Variants in MTA3 observed in about 807,000 individuals in gnomAD.
MTA3 encodes the protein metastasis associated 1 family member 3, also known as metastasis-associated protein MTA3.
In MTA3, 34 loss-of-function variants were observed where a neutral mutation model predicts 83.5. The ratio of observed to expected loss-of-function variants is 0.41; its 90% CI spans 0.31 to 0.54. The LOEUF (loss-of-function observed/expected upper bound fraction) is 0.54, where lower values mean the gene tolerates loss of function less well. MTA3 is among the 20% of genes least tolerant of loss of function. The probability of loss-of-function intolerance (pLI) is 0.33; values close to 1 mark genes in which losing one functional copy is unlikely to be tolerated. For missense variants in MTA3, 761 were observed against 726.4 expected (o/e 1.05, Z -0.55); for synonymous variants, 303 against 252.7 (o/e 1.20, Z -1.89).
intron 11 of MTA3, among the ~76,000 whole-genome samples, chr2:42,701,060 C>T (rs934754521): frequency 3.3e-5 from 5 of 151,802 alleles, no homozygotes; most frequent in Admixed American, 6.6e-5. Context: ...ATCATGCCAC[C>T]GCACTCTAGT....
At chr2:42,613,377 A>G (rs1684457762) in intron 4 of MTA3, among the ~76,000 whole-genome samples, 1 of 152,136 alleles carries the variant, frequency 6.6e-6, no homozygotes, top group South Asian at 2.1e-4. Context: ...GAGTTTTCTC[A>G]TTTTAGCTTT....
chr2:42,682,286 A>C (rs899534499), intron 8 of MTA3, 115 bp from the exon 9 acceptor site: 1 of 732,476 alleles, frequency 1.4e-6, no homozygotes, highest in Non-Finnish European at 2.0e-6. Context: ...TTTGTTAAAA[A>C]ATAAATAAGT....
chr2:42,702,202 A>C (rs1665643946), intron 11 of MTA3: 1 of 152,372 alleles, frequency 6.6e-6, no homozygotes, highest in Non-Finnish European at 1.5e-5. Flanking sequence ...CAAGAGCGAG[A>C]CTTTGTCTCA....
At chr2:42,545,250 C>T (rs1035740356) in intron 2 of MTA3, among the ~76,000 whole-genome samples, 6 of 152,216 alleles carry the variant, frequency 3.9e-5, no homozygotes, top group South Asian at 2.1e-4. Flanking sequence ...TGGTGGCACA[C>T]GCCTGTACTC....
intron 3 of MTA3, among the ~76,000 whole-genome samples, chr2:42,589,717 T>A (rs931481593): frequency 2.0e-5 from 3 of 152,192 alleles, no homozygotes; most frequent in Admixed American, 2.0e-4. Flanking sequence ...CATGCCCGGC[T>A]AATTTTTGTA....
At chr2:42,596,166 A>G (rs1681767168) in intron 3 of MTA3, among the ~76,000 whole-genome samples, 1 of 152,218 alleles carries the variant, frequency 6.6e-6, no homozygotes, top group Admixed American at 6.5e-5. Context: ...ATAACATTTT[A>G]CATTTTGAGA....
At chr2:42,500,709 AAC>A (rs1674356704) in intron 2 of MTA3, among the ~76,000 whole-genome samples, 1 of 152,160 alleles carries the variant, frequency 6.6e-6, no homozygotes, top group East Asian at 1.9e-4. Flanking sequence ...TAACAAGAGA[AAC>A]ACAGTTTATT....
intron 4 of MTA3, among the ~76,000 whole-genome samples, chr2:42,621,302 G>A (rs1031407882): frequency 3.9e-5 from 6 of 152,172 alleles, no homozygotes; most frequent in African/African-American, 9.7e-5. Context: ...TTGTGTCCCT[G>A]GGTACTTGAG....
intron 2 of MTA3, among the ~76,000 whole-genome samples, chr2:42,546,743 G>T (rs1278382103): frequency 2.0e-5 from 3 of 152,154 alleles, no homozygotes; most frequent in Admixed American, 1.3e-4. Flanking sequence ...TACGCATGTT[G>T]CAAGACTGCA....
At chr2:42,525,813 ATGCCTGGCTAATT>A (rs1675682738) in intron 2 of MTA3, among the ~76,000 whole-genome samples, 1 of 151,698 alleles carries the variant, frequency 6.6e-6, no homozygotes, top group Non-Finnish European at 1.5e-5. Context: ...GCACGCCACC[ATGCCTGGCTAATT>A]TTTTGTATTT....
intron 1 of MTA3, among the ~76,000 whole-genome samples, 177 bp downstream of exon 1, chr2:42,568,950 TC>T (rs1448171161): frequency 8.5e-6 from 1 of 117,522 alleles, no homozygotes; most frequent in Non-Finnish European, 1.8e-5. Flanking sequence ...TCCCTTCCCC[TC>T]CCCCCACGCG....
chr2:42,580,947 G>A (rs1390089864), intron 3 of MTA3, among the ~76,000 whole-genome samples: 1 of 152,124 alleles, frequency 6.6e-6, no homozygotes. Context: ...CTTTTGAAAT[G>A]TTCTGGTATG....
chr2:42,516,746 A>T (rs1368841531), intron 2 of MTA3, among the ~76,000 whole-genome samples: 1 of 152,244 alleles, frequency 6.6e-6, no homozygotes, highest in African/African-American at 2.4e-5. Flanking sequence ...ATGCAAAGAA[A>T]TTAGGAAACC....
chr2:42,525,193 TC>T, intron 2 of MTA3, among the ~76,000 whole-genome samples: 1 of 125,234 alleles, frequency 8.0e-6, no homozygotes, highest in African/African-American at 3.0e-5. Flanking sequence ...TTTTTCTTCT[TC>T]TTCTTTTTTT....
chr2:42,643,586 G>A (rs532597500), intron 5 of MTA3, among the ~76,000 whole-genome samples: 1 of 152,318 alleles, frequency 6.6e-6, no homozygotes, highest in South Asian at 2.1e-4. Flanking sequence ...GTTAATACAT[G>A]TTTAATTAAA....
Position 42,612,206 on chromosome 2 carries a change from A to C in MTA3, c.317+2622A>C, listed in dbSNP as rs73930440. On this transcript the variant is annotated intron_variant, in intron 4 of 16. Coordinates refer to ENST00000405094, the MANE Select transcript of MTA3 (RefSeq NM_001330442.2). Reference sequence around the variant, plus strand: ...TTGTGTGTAACTAATGATGCTAAAGAGCCATATGCACTTTTTATCGATTGA... The same window carrying C: ...TTGTGTGTAACTAATGATGCTAAAGCGCCATATGCACTTTTTATCGATTGA... Among the ~76,000 whole-genome samples, 838 of 152,208 alleles carry C rather than the reference A, an allele frequency of 5.5e-3. 11 individuals are homozygous for C. Among genetic ancestry groups the C allele is most frequent in the African/African-American group, 0.019 (772 of 41,550 alleles).
intron 9 of MTA3, among the ~76,000 whole-genome samples, chr2:42,684,042 C>T (rs1173376334): frequency 6.6e-6 from 1 of 152,110 alleles, no homozygotes; most frequent in Non-Finnish European, 1.5e-5. Context: ...ATGATTACCA[C>T]AATTAACACA....
chr2:42,586,220 G>A (rs1040422220), intron 3 of MTA3, among the ~76,000 whole-genome samples: 1 of 150,912 alleles, frequency 6.6e-6, no homozygotes, highest in South Asian at 2.1e-4. Context: ...GTTGTAGTGA[G>A]CTGAGACTGT....
intron 2 of MTA3, among the ~76,000 whole-genome samples, chr2:42,498,491 G>T (rs1223221499): frequency 3.3e-5 from 5 of 152,210 alleles, no homozygotes; most frequent in Non-Finnish European, 7.3e-5. Flanking sequence ...GCCTCACAGG[G>T]CCTGTATCAT....
Sources: allele counts gnomAD v4.1 joint callset (sites outside exome capture counted in the v4.1 genomes callset), GRCh38; gene constraint gnomAD v4.1.1; transcripts MANE v1.5; gene names NCBI Gene and HGNC (gene_info 2026-07-23, HGNC 2026-07-21).